GATAD1: variants seen among roughly 807,000 people sequenced by gnomAD.
GATAD1 encodes the protein GATA zinc finger domain-containing protein 1.
Under a neutral mutation model 26.5 loss-of-function variants are expected in GATAD1, and 12 were observed. The ratio of observed to expected loss-of-function variants is 0.45; its 90% CI spans 0.29 to 0.73. The LOEUF (loss-of-function observed/expected upper bound fraction) is 0.73, where lower values mean the gene tolerates loss of function less well. Ranked by LOEUF, GATAD1 falls within the 30% of genes least tolerant of loss-of-function variation. GATAD1 has a pLI of 0.10. For synonymous variants in GATAD1, 129 were observed against 133.1 expected (o/e 0.97, Z 0.21); for missense variants, 266 against 342.1 (o/e 0.78, Z 1.75).
the GATAD1 span, among the ~76,000 whole-genome samples, chr7:92,488,803 G>A: frequency 1.3e-4 from 19 of 149,948 alleles, no homozygotes; most frequent in East Asian, 1.2e-3. Flanking sequence ...GTGCAATCTC[G>A]GCTCACTGCA....
chr7:92,478,409 G>A, the GATAD1 span, among the ~76,000 whole-genome samples: 35 of 152,164 alleles, frequency 2.3e-4, no homozygotes, highest in Non-Finnish European at 4.7e-4. Flanking sequence ...TTCATCTATA[G>A]GATATACCAC....
the GATAD1 span, among the ~76,000 whole-genome samples, chr7:92,485,742 G>A: frequency 6.6e-6 from 1 of 152,200 alleles, no homozygotes; most frequent in African/African-American, 2.4e-5. Flanking sequence ...TCTTCCAAGG[G>A]AACAGAATTG....
the GATAD1 span, among the ~76,000 whole-genome samples, chr7:92,485,039 C>T: frequency 6.5e-4 from 76 of 117,442 alleles, no homozygotes; most frequent in Non-Finnish European, 1.1e-3. Context: ...GGGGCAGGGG[C>T]GGGGGTCACA....
chr7:92,483,506 T>C, the GATAD1 span, among the ~76,000 whole-genome samples: 23 of 152,266 alleles, frequency 1.5e-4, no homozygotes, highest in East Asian at 1.2e-3. Flanking sequence ...TGGGAGCGGA[T>C]TGGGTAATAA....
chr7:92,490,147 GT>G, the GATAD1 span: 8 of 533,248 alleles, frequency 1.5e-5, no homozygotes, highest in Non-Finnish European at 2.3e-5. Context: ...CACAGGGTAG[GT>G]TTTTTTAACT....
At chr7:92,468,598 G>A in the GATAD1 span, 14 of 543,990 alleles carry the variant, frequency 2.6e-5, no homozygotes, top group Non-Finnish European at 3.9e-5. Flanking sequence ...GATTGGTCAG[G>A]TGTGAGCTAA....
chr7:92,489,196 A>G, the GATAD1 span: 1 of 1,135,332 alleles, frequency 8.8e-7, no homozygotes, highest in South Asian at 1.3e-5. Context: ...AAATATTCAA[A>G]ATATTTTTAT....
At chr7:92,449,254 T>G in intron 2 of GATAD1, 1 of 812,780 alleles carries the variant, frequency 1.2e-6, no homozygotes, top group Non-Finnish European at 1.5e-6. Context: ...TTTAAAAATC[T>G]AAGTAAATAT....
chr7:92,449,077 C>A, intron 2 of GATAD1, 200 bp downstream of exon 2: 1 of 1,070,212 alleles, frequency 9.3e-7, no homozygotes, highest in Non-Finnish European at 1.2e-6. Flanking sequence ...ATACTCTTTC[C>A]TTTTTGTTTT....
the GATAD1 span, chr7:92,494,545 A>T: frequency 4.0e-5 from 65 of 1,613,930 alleles, no homozygotes; most frequent in African/African-American, 8.3e-4. Flanking sequence ...CTCGGTCTGT[A>T]ACTCCTGTAT....
At chr7:92,477,650 A>G in the GATAD1 span, 3 of 155,654 alleles carry the variant, frequency 1.9e-5, no homozygotes, top group East Asian at 3.7e-4. Context: ...CAGCTCAATT[A>G]GAACAAACCC....
downstream of GATAD1, among the ~76,000 whole-genome samples, chr7:92,460,182 A>G (rs1230909069): frequency 2.0e-5 from 3 of 152,190 alleles, no homozygotes; most frequent in African/African-American, 4.8e-5. Context: ...AGGGAAATGT[A>G]TTTATTTGCT....
the GATAD1 span, chr7:92,487,598 G>C: frequency 1.4e-6 from 1 of 739,688 alleles, no homozygotes; most frequent in Non-Finnish European, 2.3e-6. Flanking sequence ...CAAAACAAAA[G>C]ATAATGGATT....
intron 1 of GATAD1, among the ~76,000 whole-genome samples, 199 bp downstream of exon 1, chr7:92,448,177 A>T (rs79213982): frequency 6.6e-6 from 1 of 152,210 alleles, no homozygotes; most frequent in African/African-American, 2.4e-5. Flanking sequence ...ATTCAAAGCA[A>T]TAAGAACCAA....
At chr7:92,476,444 C>CT in the GATAD1 span, among the ~76,000 whole-genome samples, 1 of 152,186 alleles carries the variant, frequency 6.6e-6, no homozygotes, top group East Asian at 1.9e-4. Flanking sequence ...GGCCTATGCT[C>CT]TTATTTACAC....
chr7:92,468,759 A>G, the GATAD1 span: 1 of 713,840 alleles, frequency 1.4e-6, no homozygotes, highest in Non-Finnish European at 2.5e-6. Context: ...TTGGCCGACG[A>G]CCGCTCTAAC....
chr7:92,458,778 T>C lies in GATAD1; in HGVS notation c.*2216T>C, dbSNP rs915309687. ...AGGGTATAGTAAAATTGATTGTAAA[T>C]AACTTTCTAAGTGCCAATATTCAAA... On this transcript the variant is annotated 3_prime_UTR_variant, in exon 5 of 5. Coordinates refer to ENST00000287957, the MANE Select transcript of GATAD1 (RefSeq NM_021167.5). 3 of 152,228 alleles carry C rather than the reference T, an allele frequency of 2.0e-5. No individual in the cohort carries two copies. The highest frequency in any genetic ancestry group is 6.5e-5 in the Admixed American group (1 of 15,278). 9.4% of individuals were successfully genotyped at this position (152,228 alleles called of 1,614,324 possible).
Position 92,447,889 on chromosome 7 carries a change from G to C in GATAD1, c.160G>C (p.Gly54Arg). Reference sequence around the variant, plus strand: ...CTCGGGGGCGGCTGGAGGGACTGGGGGCAGCGGCGGCGGCGGCTTCGGCGC... The same window carrying C: ...CTCGGGGGCGGCTGGAGGGACTGGGCGCAGCGGCGGCGGCGGCTTCGGCGC... Reference protein sequence around the residue: ...AGSGAAGGTGGSGGGGFGAAT... With the variant: ...AGSGAAGGTGRSGGGGFGAAT... The change falls in exon 1 of 5, where the codon GGC becomes CGC. Residue 54 changes from glycine (G) to arginine (R), a missense_variant. Coordinates refer to ENST00000287957, the MANE Select transcript of GATAD1 (RefSeq NM_021167.5). 1 of 1,275,534 alleles carries C rather than the reference G, an allele frequency of 7.8e-7. No individual in the cohort carries two copies. Among genetic ancestry groups the C allele is most frequent in the African/African-American group, 1.6e-5 (1 of 64,314 alleles). 79.0% of individuals were successfully genotyped at this position (1,275,534 alleles called of 1,614,324 possible). A position where few individuals can be genotyped will look rare whatever the true frequency, so the allele number is the denominator to read the frequency against.
chr7:92,478,449 A>G, the GATAD1 span, among the ~76,000 whole-genome samples: 5 of 152,280 alleles, frequency 3.3e-5, no homozygotes, highest in African/African-American at 9.6e-5. Flanking sequence ...AGATGTTACA[A>G]TCGAAATGGG....
Sources: allele counts gnomAD v4.1 joint callset (sites outside exome capture counted in the v4.1 genomes callset), GRCh38; gene constraint gnomAD v4.1.1; transcripts MANE v1.5; gene names NCBI Gene and HGNC (gene_info 2026-07-23, HGNC 2026-07-21).